PRMT2: variants seen among roughly 807,000 people sequenced by gnomAD.
PRMT2 encodes protein arginine methyltransferase 2.
PRMT2 carries 26 observed loss-of-function variants against 57.6 expected under a neutral mutation model. The observed-to-expected ratio is 0.45, with a 90% confidence interval of 0.33 to 0.63. The LOEUF (loss-of-function observed/expected upper bound fraction) is 0.63, where lower values mean the gene tolerates loss of function less well. PRMT2 is among the 20% of genes least tolerant of loss of function. The probability of loss-of-function intolerance (pLI) is 0.02; values close to 1 mark genes in which losing one functional copy is unlikely to be tolerated. For missense variants in PRMT2, 472 were observed against 564.4 expected, an observed-to-expected ratio of 0.84 and a Z score of 1.66; for synonymous variants, 219 against 220.0, an observed-to-expected ratio of 1.00 and a Z score of 0.04.
At chr21:46,661,136 A>C in intron 9 of PRMT2, 174 bp downstream of exon 9, 1 of 634,502 alleles carries the variant, frequency 1.6e-6, no homozygotes, top group Non-Finnish European at 2.4e-6. Flanking sequence ...GATTTTTTCC[A>C]GTCTTTTTTC....
At chr21:46,661,598 G>A (rs928130992) in intron 9 of PRMT2, 2 of 418,040 alleles carry the variant, frequency 4.8e-6, no homozygotes, top group Admixed American at 4.5e-5. Context: ...GGCGCAAGAA[G>A]CTCAGATGCT....
chr21:46,660,041 T>C lies in PRMT2; in HGVS notation c.831-792T>C, dbSNP rs532195163. 8.1e-6 allele frequency: 8 copies of C among 983,414 alleles called. No homozygotes were observed. In the South Asian group the frequency reaches 3.3e-4, roughly 40 times the overall value. The allele number at this position is 983,414 out of a possible 1,614,324, so 60.9% of individuals were successfully genotyped here. ...TATGGGGAATTTAAGCTTTTCTTTA[T>C]ACTTGTCCATAGTTTCCAATTTTTA... On this transcript the variant is annotated intron_variant, in intron 8 of 11. Transcript: ENST00000355680.
chr21:46,665,054 A>T lies in PRMT2; in HGVS notation c.*727A>T, dbSNP rs2061683546. The T allele has an allele frequency of 6.6e-6, 1 of 152,252 alleles. No homozygotes were observed. Among genetic ancestry groups the T allele is most frequent in the South Asian group, 2.1e-4 (1 of 4,838 alleles). 9.4% of individuals were successfully genotyped at this position (152,252 alleles called of 1,614,324 possible). On this transcript the variant is annotated 3_prime_UTR_variant, in exon 12 of 12. Transcript: ENST00000355680. ...TTCTCAATATTGTGAAAAAACTTCC[A>T]CATCAGTAGATACATGTCCATAATT...
At chr21:46,644,202 G>C in intron 4 of PRMT2, 104 bp from the exon 5 acceptor site, 1 of 1,197,266 alleles carries the variant, frequency 8.4e-7, no homozygotes, top group South Asian at 1.5e-5. Context: ...ACTCCTGTTT[G>C]AAATCTCTGT....
intron 11 of PRMT2, 65 bp downstream of exon 11, chr21:46,663,619 G>T: frequency 6.5e-7 from 1 of 1,538,036 alleles, no homozygotes; most frequent in Non-Finnish European, 8.9e-7. Context: ...AGGCCTGGGT[G>T]GTGGTAGTGA....
intron 7 of PRMT2, among the ~76,000 whole-genome samples, chr21:46,656,519 A>G (rs1444266748): frequency 6.6e-6 from 1 of 152,232 alleles, no homozygotes; most frequent in Non-Finnish European, 1.5e-5. Context: ...TGGAGACGAG[A>G]GATTTCTACA....
chr21:46,647,107 C>T (rs926631417), intron 5 of PRMT2, among the ~76,000 whole-genome samples: 2 of 152,076 alleles, frequency 1.3e-5, no homozygotes, highest in African/African-American at 2.4e-5. Context: ...GCTCATTTCC[C>T]TACCACAAAT....
intron 3 of PRMT2, among the ~76,000 whole-genome samples, chr21:46,640,507 T>A (rs2061253485): frequency 6.7e-6 from 1 of 150,190 alleles, no homozygotes; most frequent in Non-Finnish European, 1.5e-5. Context: ...AGTGATGCGA[T>A]CTCGGCTCAC....
At chr21:46,651,458 G>T (rs766354783) in intron 7 of PRMT2, among the ~76,000 whole-genome samples, 11 of 151,866 alleles carry the variant, frequency 7.2e-5, no homozygotes, top group Non-Finnish European at 1.6e-4. Flanking sequence ...GGTCTCGGTG[G>T]GCGATGGCCT....
At chr21:46,651,777 T>C in intron 7 of PRMT2, 1 of 1,611,922 alleles carries the variant, frequency 6.2e-7, no homozygotes, top group Middle Eastern at 1.7e-4. Flanking sequence ...GTTGGTGCGG[T>C]TGTACCCACC....
At chr21:46,663,648 A>C (rs2061663774) in intron 11 of PRMT2, 94 bp downstream of exon 11, 1 of 1,286,662 alleles carries the variant, frequency 7.8e-7, no homozygotes, top group Middle Eastern at 2.3e-4. Flanking sequence ...GCTGGCCCAC[A>C]CTGGGGTCCA....
intron 10 of PRMT2, among the ~76,000 whole-genome samples, chr21:46,662,271 G>A (rs1184299011): frequency 6.6e-6 from 1 of 152,232 alleles, no homozygotes; most frequent in African/African-American, 2.4e-5. Flanking sequence ...CGCCTCCACG[G>A]GGCGTCGGGG....
At chr21:46,663,601 AG>A in intron 11 of PRMT2, 47 bp downstream of exon 11, 1 of 1,584,024 alleles carries the variant, frequency 6.3e-7, no homozygotes, top group Non-Finnish European at 8.6e-7. Context: ...GCCGGTCCTC[AG>A]GGAGACAGGC....
chr21:46,660,323 T>G (rs1236320141), intron 8 of PRMT2, among the ~76,000 whole-genome samples: 2 of 152,232 alleles, frequency 1.3e-5, no homozygotes, highest in East Asian at 3.8e-4. Flanking sequence ...GTATTTCTCC[T>G]GAAACTCAGA....
At chr21:46,656,852 C>A (rs1195246278) in intron 7 of PRMT2, 1 of 151,896 alleles carries the variant, frequency 6.6e-6, no homozygotes, top group African/African-American at 2.4e-5. Context: ...GACTGCTCTG[C>A]AAAAGGATGA....
chr21:46,645,254 G>A (rs1295860726), intron 5 of PRMT2, among the ~76,000 whole-genome samples: 1 of 151,750 alleles, frequency 6.6e-6, no homozygotes, highest in Admixed American at 6.6e-5. Flanking sequence ...GCTACAGAGC[G>A]AGAGCCTGTC....
At chr21:46,645,126 G>A (rs748416592) in intron 5 of PRMT2, among the ~76,000 whole-genome samples, 1 of 81,316 alleles carries the variant, frequency 1.2e-5, no homozygotes, top group Non-Finnish European at 2.4e-5. Context: ...AATTAGCTGG[G>A]CATGGTGGTG....
rs1402337066 is a variant in PRMT2, at chr21:46,648,203, G to T, written c.328-255G>T. On this transcript the variant is annotated intron_variant, in intron 5 of 11. Coordinates refer to ENST00000355680, the MANE Select transcript of PRMT2 (RefSeq NM_206962.4). This position sits in a 1 kb window ranked among gnomAD's most constrained non-coding sequence, Gnocchi z 4.8. The stretch of plus-strand genomic sequence containing the variant: ...GGACAATATCTCTTTGTCATACATG[G>T]TTGTGCACCTTTCTTGTTAAATTTG... 2 of 444,938 alleles carry T rather than the reference G, an allele frequency of 4.5e-6. No homozygotes were observed. Among genetic ancestry groups the T allele is most frequent in the Non-Finnish European group, 8.2e-6 (2 of 243,730 alleles). 27.6% of individuals were successfully genotyped at this position (444,938 alleles called of 1,614,324 possible).
intron 7 of PRMT2, chr21:46,652,636 G>A: frequency 2.0e-6 from 2 of 984,900 alleles, no homozygotes; most frequent in Non-Finnish European, 2.4e-6. Context: ...CCCTTTTTTT[G>A]GCAGTGTAAA....
Sources: gnomAD v4.1 joint callset for allele counts (sites outside exome capture counted in the v4.1 genomes callset) on GRCh38, gnomAD v4.1.1 for gene constraint, Gnocchi (gnomAD v3.1) non-coding constraint, MANE v1.5 for transcripts, NCBI Gene and HGNC (gene_info 2026-07-23, HGNC 2026-07-21) for gene names.